PITPNM2: variants seen among roughly 807,000 people sequenced by gnomAD.
PITPNM2 encodes phosphatidylinositol transfer protein membrane associated 2, also known as membrane-associated phosphatidylinositol transfer protein 2.
Under a neutral mutation model 132.2 loss-of-function variants are expected in PITPNM2, and 35 were observed. The ratio of observed to expected loss-of-function variants is 0.26; its 90% confidence interval spans 0.20 to 0.35. The LOEUF (loss-of-function observed/expected upper bound fraction) is 0.35. Among genes scored for constraint, PITPNM2 ranks in the 10% least tolerant of loss-of-function variants. PITPNM2 has a pLI of 1.00. For synonymous variants in PITPNM2, 738 were observed against 799.2 expected (o/e 0.92, Z 1.29); for missense variants, 1,332 against 1,912.0 (o/e 0.70, Z 5.66).
At chr12:122,988,921 G>A (rs1421199159) in intron 18 of PITPNM2, 49 bp from the exon 19 acceptor site, 4 of 1,487,620 alleles carry the variant, frequency 2.7e-6, no homozygotes, top group Non-Finnish European at 3.6e-6. Flanking sequence ...CCCCAGACAG[G>A]GACCCCGAAG....
chr12:122,986,913 C>T, intron 23 of PITPNM2, 84 bp from the exon 24 acceptor site: 5 of 1,443,232 alleles, frequency 3.5e-6, no homozygotes, highest in Non-Finnish European at 3.7e-6. Context: ...CCCACTTGGG[C>T]CATTGGAAAG....
At chr12:123,067,799 G>A (rs895389759) in intron 2 of PITPNM2, among the ~76,000 whole-genome samples, 2 of 152,136 alleles carry the variant, frequency 1.3e-5, no homozygotes, top group African/African-American at 4.8e-5. Flanking sequence ...TGTGGCATTG[G>A]GAAACAGGAC....
chr12:123,062,166 G>C (rs1460466632), intron 2 of PITPNM2, among the ~76,000 whole-genome samples: 1 of 152,070 alleles, frequency 6.6e-6, no homozygotes, highest in Non-Finnish European at 1.5e-5. Context: ...AGGTTCCTGA[G>C]TCCCCAGACT....
At chr12:123,145,852 G>A (rs1250673642) in intron 1 of PITPNM2, among the ~76,000 whole-genome samples, 2 of 152,102 alleles carry the variant, frequency 1.3e-5, no homozygotes, top group African/African-American at 2.4e-5. Context: ...ACAGGCACAC[G>A]TATGTTCATT....
intron 1 of PITPNM2, among the ~76,000 whole-genome samples, chr12:123,119,969 T>C (rs2043004253): frequency 6.6e-6 from 1 of 152,122 alleles, no homozygotes; most frequent in Non-Finnish European, 1.5e-5. Flanking sequence ...GCAACCATAC[T>C]GCCCTGTGAG....
chr12:123,092,657 G>A (rs1024990805), intron 2 of PITPNM2: 1 of 152,210 alleles, frequency 6.6e-6, no homozygotes, highest in African/African-American at 2.4e-5. Context: ...GCGGACCTGC[G>A]GCCTCCTCTA....
chr12:123,007,070 C>A (rs527748700), intron 6 of PITPNM2, among the ~76,000 whole-genome samples: 1 of 152,156 alleles, frequency 6.6e-6, no homozygotes, highest in African/African-American at 2.4e-5. Context: ...CAGTTGGCCC[C>A]GAATTTTGCT....
At chr12:123,133,394 T>C (rs2043307527) in intron 1 of PITPNM2, among the ~76,000 whole-genome samples, 1 of 152,242 alleles carries the variant, frequency 6.6e-6, no homozygotes, top group South Asian at 2.1e-4. Flanking sequence ...GTTCCAGCTC[T>C]GGTGTCTGCT....
At chr12:123,033,673 C>T (rs917654269) in intron 3 of PITPNM2, among the ~76,000 whole-genome samples, 2 of 152,156 alleles carry the variant, frequency 1.3e-5, no homozygotes, top group Non-Finnish European at 2.9e-5. Flanking sequence ...GGGCCTCATA[C>T]GCCTTCCTGT....
In PITPNM2 at chr12:122,993,242, C is replaced by T. The variant is rs1367266926; in HGVS notation, c.2234-573G>A. ...AAACCCCTTCCACCCCAGATCCCCCCGAAGCTCCAGCTCATCTTGCGGGAG... is the reference window on the plus strand; with the variant it reads ...AAACCCCTTCCACCCCAGATCCCCCTGAAGCTCCAGCTCATCTTGCGGGAG... On this transcript the variant is annotated intron_variant, in intron 15 of 25. Transcript: ENST00000320201. The surrounding 1 kb of genome is among the most constrained non-coding windows in gnomAD (Gnocchi z 5.2). Among the ~76,000 whole-genome samples the T allele has an allele frequency of 2.6e-5, 4 of 152,196 alleles. No homozygotes were observed. The highest frequency in any genetic ancestry group is 5.9e-5 in the Non-Finnish European group (4 of 68,038).
Position 123,004,325 on chromosome 12 carries a change from A to C in PITPNM2, c.1048+69T>G, listed in dbSNP as rs1177643936. 1.9e-5 allele frequency: 27 copies of C among 1,450,748 alleles called. No individual in the cohort carries two copies. Among genetic ancestry groups the C allele is most frequent in the African/African-American group, 2.8e-5 (2 of 71,574 alleles). 89.9% of individuals were successfully genotyped at this position (1,450,748 alleles called of 1,614,324 possible). A position where few individuals can be genotyped will look rare whatever the true frequency, so the allele number is the denominator to read the frequency against. ...CCGCATCAGTCCACACCCACACCCT[A>C]AGCCCTTTCAGACCCCTCCCCACCT... On this transcript the variant is annotated intron_variant, in intron 8 of 25. Transcript: ENST00000320201. The surrounding 1 kb of genome is among the most constrained non-coding windows in gnomAD (Gnocchi z 4.9).
Position 122,988,805 on chromosome 12 carries a change from G to T in PITPNM2, c.2799C>A (p.Ala933=). The T allele has an allele frequency of 6.3e-7, 1 of 1,585,502 alleles. No individual in the cohort carries two copies. Among genetic ancestry groups the T allele is most frequent in the East Asian group, 2.3e-5 (1 of 43,688 alleles). The change falls in exon 19 of 26, where the codon GCC becomes GCA. Residue 933 remains alanine (A), a synonymous_variant. Coordinates refer to ENST00000320201, the MANE Select transcript of PITPNM2 (RefSeq NM_020845.3). The stretch of plus-strand genomic sequence containing the variant: ...GGTGAGGCAGAGCCACCGTGGGGAA[G>T]GCCGTGAGGGCGTCAGGGCAGTACA... ...YALYCPDALT[A]FPTVALPHLF...
intron 1 of PITPNM2, among the ~76,000 whole-genome samples, chr12:123,127,714 A>AC (rs1022083013): frequency 6.1e-5 from 9 of 148,124 alleles, no homozygotes; most frequent in South Asian, 2.1e-4. Context: ...GGTTCACGCC[A>AC]TTCTCCTGCC....
At chr12:123,037,094 G>A (rs1381566635) in intron 2 of PITPNM2, among the ~76,000 whole-genome samples, 1 of 152,222 alleles carries the variant, frequency 6.6e-6, no homozygotes, top group Non-Finnish European at 1.5e-5. Context: ...TGGAAGCTGA[G>A]GACACAGGAG....
intron 2 of PITPNM2, among the ~76,000 whole-genome samples, chr12:123,041,241 G>A (rs2040462542): frequency 6.6e-6 from 1 of 152,206 alleles, no homozygotes; most frequent in Non-Finnish European, 1.5e-5. Flanking sequence ...GTTCCAACCA[G>A]TGTTCAACTA....
chr12:123,143,106 C>A (rs2043540660), intron 1 of PITPNM2, among the ~76,000 whole-genome samples: 1 of 151,968 alleles, frequency 6.6e-6, no homozygotes, highest in Admixed American at 6.6e-5. Context: ...TACCCTGACA[C>A]ACCCATCCCT....
intron 3 of PITPNM2, among the ~76,000 whole-genome samples, chr12:123,032,791 C>T (rs2040138811): frequency 6.6e-6 from 1 of 152,248 alleles, no homozygotes; most frequent in African/African-American, 2.4e-5. Context: ...TGCTTCCTCT[C>T]TCTCCACTCT....
At chr12:123,047,030 C>T (rs986453246) in intron 2 of PITPNM2, among the ~76,000 whole-genome samples, 2 of 152,120 alleles carry the variant, frequency 1.3e-5, no homozygotes, top group Non-Finnish European at 2.9e-5. Flanking sequence ...ATTCTTTTAG[C>T]CTTTTTATTC....
chr12:123,139,511 A>C (rs1316631663), intron 1 of PITPNM2, among the ~76,000 whole-genome samples: 5 of 150,920 alleles, frequency 3.3e-5, no homozygotes, highest in South Asian at 2.1e-4. Context: ...AAAAAAAAAA[A>C]AAAACAACAG....
Sources: allele counts gnomAD v4.1 joint callset (sites outside exome capture counted in the v4.1 genomes callset), GRCh38; gene constraint gnomAD v4.1.1; non-coding constraint Gnocchi (gnomAD v3.1); transcripts MANE v1.5; gene names NCBI Gene and HGNC (gene_info 2026-07-23, HGNC 2026-07-21).